The following PHACTR2 variants were observed in gnomAD, a reference collection of about 807,000 sequenced individuals.
The protein encoded by PHACTR2 is chromosome 6 open reading frame 56.
PHACTR2 carries 30 observed loss-of-function variants against 76.0 expected under a neutral mutation model. The ratio of observed to expected loss-of-function variants is 0.39; its 90% confidence interval spans 0.30 to 0.54. The LOEUF (loss-of-function observed/expected upper bound fraction) is 0.54. PHACTR2 is among the 20% of genes least tolerant of loss of function. PHACTR2 has a pLI of 0.61. For synonymous variants in PHACTR2, 292 were observed against 292.5 expected, an observed-to-expected ratio of 1.00 and a Z score of 0.02; for missense variants, 696 against 781.1, an observed-to-expected ratio of 0.89 and a Z score of 1.30.
chr6:143,552,465 A>C (rs1209173286), intron 1 of PHACTR2, among the ~76,000 whole-genome samples: 1 of 152,208 alleles, frequency 6.6e-6, no homozygotes, highest in East Asian at 1.9e-4. Flanking sequence ...AAATAACAAC[A>C]ACCAACAAGA....
rs985173138 is a variant in PHACTR2, at chr6:143,697,683, A to C, written c.47-14333A>C. Among the ~76,000 whole-genome samples, 2 of 152,240 alleles carry C rather than the reference A, an allele frequency of 1.3e-5. No individual in the cohort carries two copies. Among genetic ancestry groups the C allele is most frequent in the Non-Finnish European group, 2.9e-5 (2 of 68,040 alleles). ...TATCTTTCAAAATATTTGGAATTCT[A>C]CAGGAAGGCACTGTTGGAAACAATT... On this transcript the variant is annotated intron_variant, in intron 1 of 12. Coordinates refer to ENST00000440869, the MANE Select transcript of PHACTR2 (RefSeq NM_001100164.2). The surrounding 1 kb of genome is among the most constrained non-coding windows in gnomAD (Gnocchi z 4.4).
Position 143,733,929 on chromosome 6 carries a change from G to C in PHACTR2, c.215-15056G>C, listed in dbSNP as rs1280114653. Among the ~76,000 whole-genome samples, 1 of 152,126 alleles carries C rather than the reference G, an allele frequency of 6.6e-6. No homozygotes were observed. The highest frequency in any genetic ancestry group is 1.5e-5 in the Non-Finnish European group (1 of 68,024). Reference sequence around the variant, plus strand: ...AATATCGTCTATTATTTTCCTAAAGGTATATAATTGTGTTAAAACAGATTT... The same window carrying C: ...AATATCGTCTATTATTTTCCTAAAGCTATATAATTGTGTTAAAACAGATTT... On this transcript the variant is annotated intron_variant, in intron 2 of 12. Coordinates refer to ENST00000440869, the MANE Select transcript of PHACTR2 (RefSeq NM_001100164.2). The surrounding 1 kb of genome is among the most constrained non-coding windows in gnomAD (Gnocchi z 4.0).
Position 143,772,674 on chromosome 6 carries a change from CGATGAGCTA to C in PHACTR2, c.1432+231_1432+239del, listed in dbSNP as rs1307524569. 6.6e-6 allele frequency among the ~76,000 whole-genome samples: 1 copy of C among 152,086 alleles called. No homozygotes were observed. Among genetic ancestry groups the C allele is most frequent in the South Asian group, 2.1e-4 (1 of 4,826 alleles). ...TCACATGGCTGGATCTGGCCTTTGT[CGATGAGCTA>C]GATGAGCTAGATGTGCTAGATGTGC... On this transcript the variant is annotated intron_variant, in intron 7 of 12. Coordinates refer to ENST00000440869, the MANE Select transcript of PHACTR2 (RefSeq NM_001100164.2). This position sits in a 1 kb window ranked among gnomAD's most constrained non-coding sequence, Gnocchi z 5.4.
chr6:143,749,430 G>A (rs1779138796), intron 3 of PHACTR2, among the ~76,000 whole-genome samples: 1 of 152,160 alleles, frequency 6.6e-6, no homozygotes, highest in African/African-American at 2.4e-5. Flanking sequence ...TAAATGCAAA[G>A]TTTTAGCTTG....
At chr6:143,574,539 T>G (rs1303476476) in intron 1 of PHACTR2, among the ~76,000 whole-genome samples, 1 of 152,222 alleles carries the variant, frequency 6.6e-6, no homozygotes, top group East Asian at 1.9e-4. Flanking sequence ...ACTATTTTTT[T>G]TTCTACTCAG....
At chr6:143,804,784 T>A (rs1163089525) in intron 11 of PHACTR2, among the ~76,000 whole-genome samples, 1 of 152,206 alleles carries the variant, frequency 6.6e-6, no homozygotes, top group Non-Finnish European at 1.5e-5. Context: ...TAAGTCAACT[T>A]CGGTGGCATT....
chr6:143,630,028 A>G lies in PHACTR2; in HGVS notation c.13+21706A>G, dbSNP rs116832363. Among the ~76,000 whole-genome samples, 1,206 of 152,116 alleles carry G rather than the reference A, an allele frequency of 7.9e-3. 19 individuals carry two copies. The highest frequency in any genetic ancestry group is 0.027 in the African/African-American group (1,138 of 41,514). On this transcript the variant is annotated intron_variant, in intron 1 of 11. Coordinates refer to the PHACTR2 transcript ENST00000305766. Reference sequence around the variant, plus strand: ...TCATCTTCTTGTGGTTCACAGTTCTATTAAGGTAATCTCTGTGACAAGAAG... The same window carrying G: ...TCATCTTCTTGTGGTTCACAGTTCTGTTAAGGTAATCTCTGTGACAAGAAG...
rs2876570 is a variant in PHACTR2 at position 143,627,473 on chromosome 6, G to A, written c.13+19151G>A. Among the ~76,000 whole-genome samples the A allele has an allele frequency of 0.011, 1,659 of 152,182 alleles. 42 individuals carry two copies. Among genetic ancestry groups the A allele is most frequent in the African/African-American group, 0.037 (1,539 of 41,526 alleles). ...CAGCTACTACGTCAGGTAGCCTTGC[G>A]GAATTCAAGAGTCTTTCCCCATCTT... On this transcript the variant is annotated intron_variant, in intron 1 of 11. Coordinates refer to the PHACTR2 transcript ENST00000305766. The surrounding 1 kb of genome is among the most constrained non-coding windows in gnomAD (Gnocchi z 4.3).
intron 2 of PHACTR2, among the ~76,000 whole-genome samples, chr6:143,717,109 T>C (rs1378753630): frequency 3.9e-5 from 6 of 152,230 alleles, no homozygotes. Context: ...TATTCGTCCA[T>C]AGCTCTTGGA....
chr6:143,632,701 C>G (rs1482786946), intron 1 of PHACTR2, among the ~76,000 whole-genome samples: 1 of 152,170 alleles, frequency 6.6e-6, no homozygotes, highest in Non-Finnish European at 1.5e-5. Context: ...GTGTTATATA[C>G]AGCAGTAGTT....
chr6:143,648,368 C>G lies in PHACTR2; in HGVS notation c.13+40046C>G, dbSNP rs1407166261. Among the ~76,000 whole-genome samples, 1 of 152,064 alleles carries G rather than the reference C, an allele frequency of 6.6e-6. No individual in the cohort carries two copies. Among genetic ancestry groups the G allele is most frequent in the South Asian group, 2.1e-4 (1 of 4,828 alleles). Reference sequence around the variant, plus strand: ...TATTTACTAAGCGTTCATCATAGTTCTAAATAGATTCCTCAAAAGAATTAA... The same window carrying G: ...TATTTACTAAGCGTTCATCATAGTTGTAAATAGATTCCTCAAAAGAATTAA... On this transcript the variant is annotated intron_variant, in intron 1 of 11. Coordinates refer to the PHACTR2 transcript ENST00000305766. This position sits in a 1 kb window ranked among gnomAD's most constrained non-coding sequence, Gnocchi z 6.7.
At chr6:143,747,627 G>A (rs1320740515) in intron 2 of PHACTR2, among the ~76,000 whole-genome samples, 4 of 152,290 alleles carry the variant, frequency 2.6e-5, no homozygotes, top group South Asian at 2.1e-4. Context: ...ATCGGGGAAC[G>A]TCAGAAATCT....
chr6:143,810,709 G>A (rs895083637), intron 12 of PHACTR2: 3 of 296,368 alleles, frequency 1.0e-5, no homozygotes, highest in Admixed American at 8.2e-5. Context: ...GCACTTGCAT[G>A]TAGTCTCAGC....
upstream of PHACTR2, chr6:143,677,937 A>C (rs2128452257): frequency 3.2e-6 from 3 of 924,188 alleles, no homozygotes; most frequent in Admixed American, 1.0e-4. Context: ...CCCTGACCCC[A>C]GCTAATCTGC....
intron 1 of PHACTR2, among the ~76,000 whole-genome samples, chr6:143,564,646 G>A (rs886910182): frequency 6.6e-6 from 1 of 152,074 alleles, no homozygotes; most frequent in African/African-American, 2.4e-5. Context: ...ACGAGGCCTC[G>A]GCTGTGCTTT....
At chr6:143,584,387 C>A (rs184501089) in intron 1 of PHACTR2, among the ~76,000 whole-genome samples, 33 of 152,266 alleles carry the variant, frequency 2.2e-4, no homozygotes, top group Non-Finnish European at 3.5e-4. Context: ...CTCAGGGGGA[C>A]TGAACTTTCA....
At chr6:143,607,911 A>G (rs1287256495), upstream of PHACTR2, among the ~76,000 whole-genome samples, 1 of 152,260 alleles carries the variant, frequency 6.6e-6, no homozygotes, top group African/African-American at 2.4e-5. Context: ...TTTCATGATC[A>G]GTGCCTCTTC....
At position 143,688,612 on chromosome 6, in the gene PHACTR2, A is replaced by T. The variant is rs990387034; in HGVS notation, c.46+10403A>T. Reference sequence around the variant, plus strand: ...AACCACTCACTTATTCTAGCCCAAGATCTAGGAGTTATTCTTAAGTTTTCC... The same window carrying T: ...AACCACTCACTTATTCTAGCCCAAGTTCTAGGAGTTATTCTTAAGTTTTCC... On this transcript the variant is annotated intron_variant, in intron 1 of 12. Transcript: ENST00000440869. This position sits in a 1 kb window ranked among gnomAD's most constrained non-coding sequence, Gnocchi z 5.2. Among the ~76,000 whole-genome samples, 1 of 152,286 alleles carries T rather than the reference A, an allele frequency of 6.6e-6. No individual in the cohort carries two copies. Among genetic ancestry groups the T allele is most frequent in the Non-Finnish European group, 1.5e-5 (1 of 68,024 alleles).
At chr6:143,723,267 C>T (rs551551335) in intron 2 of PHACTR2, among the ~76,000 whole-genome samples, 20 of 152,314 alleles carry the variant, frequency 1.3e-4, no homozygotes, top group African/African-American at 2.6e-4. Context: ...TCACCTTCCA[C>T]GCCTTCCTGT....
Sources: allele counts gnomAD v4.1 joint callset (sites outside exome capture counted in the v4.1 genomes callset), GRCh38; gene constraint gnomAD v4.1.1; non-coding constraint Gnocchi (gnomAD v3.1); transcripts MANE v1.5; gene names NCBI Gene and HGNC (gene_info 2026-07-23, HGNC 2026-07-21).